The following AOAH variants were observed in gnomAD, a reference collection of about 807,000 sequenced individuals.
AOAH encodes acyloxyacyl hydrolase.
In AOAH, 64 loss-of-function variants were observed where a neutral mutation model predicts 92.2. That is an observed-to-expected ratio of 0.69 (90% CI 0.57 to 0.86). AOAH has a LOEUF of 0.86. Ranked by LOEUF, AOAH falls within the 40% of genes least tolerant of loss-of-function variation. AOAH has a pLI of 0.00. For synonymous variants in AOAH, 263 were observed against 254.5 expected (o/e 1.03, Z -0.32); for missense variants, 656 against 694.6 (o/e 0.94, Z 0.62).
intron 15 of AOAH, among the ~76,000 whole-genome samples, chr7:36,545,468 T>G (rs948661450): frequency 2.0e-5 from 3 of 152,170 alleles, no homozygotes; most frequent in Non-Finnish European, 4.4e-5. Context: ...CCAGGCTCAT[T>G]GGGGCCTGCA....
At chr7:36,616,560 A>T (rs950570372) in intron 10 of AOAH, 86 bp from the exon 11 acceptor site, 1 of 1,077,934 alleles carries the variant, frequency 9.3e-7, no homozygotes, top group African/African-American at 1.6e-5. Context: ...CGGATACCCT[A>T]GTGTGTATTC....
At chr7:36,609,059 T>C (rs1337334817) in intron 11 of AOAH, among the ~76,000 whole-genome samples, 1 of 152,216 alleles carries the variant, frequency 6.6e-6, no homozygotes, top group East Asian at 1.9e-4. Flanking sequence ...AGAGGAAGGA[T>C]GCTGGGGGAC....
intron 2 of AOAH, among the ~76,000 whole-genome samples, chr7:36,679,113 GATGT>G (rs1796481958): frequency 6.6e-6 from 1 of 152,030 alleles, no homozygotes; most frequent in South Asian, 2.1e-4. Context: ...GGTGTATACA[GATGT>G]ATGTGTAAAT....
intron 2 of AOAH, among the ~76,000 whole-genome samples, chr7:36,683,682 T>C (rs567645441): frequency 4.2e-4 from 64 of 151,992 alleles, no homozygotes; most frequent in African/African-American, 1.5e-3. Flanking sequence ...GATACAGATA[T>C]AATACAGAAG....
rs774966685 is a variant in AOAH at position 36,659,221 on chromosome 7, T to A, written c.335A>T (p.Glu112Val). 6.2e-7 allele frequency: 1 copy of A among 1,614,108 alleles called. No individual in the cohort carries two copies. The highest frequency in any genetic ancestry group is 1.1e-5 in the South Asian group (1 of 91,084). Residue 112 changes from glutamate to valine, a missense_variant, in exon 4 of 21, where the codon GAG becomes GTG. Glu to Val is a moderately radical substitution (Grantham distance 121). Transcript: ENST00000617537. The part of the protein sequence containing the change: ...MNADVVCHTL[E>V]FCKQNTGQPL... ...TTGGCCAGTGTTCTGTTTACAAAACTCCAGAGTGTGACATACCACATCAGC... is the reference window on the plus strand; with the variant it reads ...TTGGCCAGTGTTCTGTTTACAAAACACCAGAGTGTGACATACCACATCAGC...
At chr7:36,535,046 G>T (rs1384410430) in intron 16 of AOAH, among the ~76,000 whole-genome samples, 1 of 86,572 alleles carries the variant, frequency 1.2e-5, no homozygotes, top group Non-Finnish European at 2.3e-5. Flanking sequence ...CTGTGTGTGT[G>T]TATGTGTCTG....
At chr7:36,658,827 G>A (rs987721273) in intron 4 of AOAH, among the ~76,000 whole-genome samples, 8 of 152,084 alleles carry the variant, frequency 5.3e-5, no homozygotes, top group African/African-American at 1.9e-4. Context: ...TGGGCAAACT[G>A]GCATGAGTTG....
rs1490941605 is a variant in AOAH, at chr7:36,700,334, CCTTCA to C, written c.128-13545_128-13541del. On this transcript the variant is annotated intron_variant, in intron 1 of 20. Coordinates refer to ENST00000617537, the MANE Select transcript of AOAH (RefSeq NM_001637.4). Reference sequence around the variant, plus strand: ...TTCTCTTTCCTCACTCCTTTCCCTTCCTTCACTTCATCAGTCATAATTATTCCACA... The same window carrying C: ...TTCTCTTTCCTCACTCCTTTCCCTTCCTTCATCAGTCATAATTATTCCACA... Among the ~76,000 whole-genome samples, 13 of 152,128 alleles carry C rather than the reference CCTTCA, an allele frequency of 8.5e-5. No homozygotes were observed. The East Asian group carries it at 1.2e-3, about 14-fold the overall frequency.
chr7:36,530,304 G>A (rs1784616594), intron 19 of AOAH, 114 bp downstream of exon 19: 3 of 709,542 alleles, frequency 4.2e-6, no homozygotes, highest in Non-Finnish European at 7.5e-6. Context: ...ATAGGCAGGA[G>A]TAACCCTGCC....
At chr7:36,723,951 A>G (rs1380277607) in intron 1 of AOAH, 71 bp downstream of exon 1, 1 of 1,506,576 alleles carries the variant, frequency 6.6e-7, no homozygotes, top group African/African-American at 1.4e-5. Flanking sequence ...TATGTGATTT[A>G]TTACGCAAGC....
At position 36,560,565 on chromosome 7, in the gene AOAH, T is replaced by C. The variant is rs553690513; in HGVS notation, c.1022-11090A>G. ...TATAGATATATAGACATTTTACTGA[T>C]TTTTGTACATTGATTTTGTACCCTG... On this transcript the variant is annotated intron_variant, in intron 13 of 20. Coordinates refer to ENST00000617537, the MANE Select transcript of AOAH (RefSeq NM_001637.4). 2.0e-5 allele frequency among the ~76,000 whole-genome samples: 3 copies of C among 152,316 alleles called. No homozygotes were observed. The East Asian group carries it at 5.8e-4, about 29-fold the overall frequency.
chr7:36,637,829 G>A (rs772581105), intron 5 of AOAH, 22 bp downstream of exon 5: 18 of 1,611,606 alleles, frequency 1.1e-5, no homozygotes, highest in South Asian at 3.3e-5. Flanking sequence ...AAAGGCTGGC[G>A]TTCTACGTGC....
At chr7:36,697,885 G>A (rs1187579612) in intron 1 of AOAH, among the ~76,000 whole-genome samples, 1 of 152,142 alleles carries the variant, frequency 6.6e-6, no homozygotes, top group Non-Finnish European at 1.5e-5. Context: ...AAATGGCCAG[G>A]GGATGATGTG....
At chr7:36,647,649 T>C (rs1794303770) in intron 4 of AOAH, among the ~76,000 whole-genome samples, 1 of 152,218 alleles carries the variant, frequency 6.6e-6, no homozygotes, top group South Asian at 2.1e-4. Context: ...ATGAGTTTAA[T>C]AGCCCCCAAA....
chr7:36,679,444 T>C (rs1040409816), intron 2 of AOAH, among the ~76,000 whole-genome samples: 1 of 151,450 alleles, frequency 6.6e-6, no homozygotes, highest in African/African-American at 2.4e-5. Context: ...TCAGCTGAGA[T>C]TAAAATACTC....
At chr7:36,584,360 C>G (rs927317285) in intron 12 of AOAH, among the ~76,000 whole-genome samples, 1 of 152,140 alleles carries the variant, frequency 6.6e-6, no homozygotes. Flanking sequence ...CCTAAAATCT[C>G]AAGTTCAGTT....
At chr7:36,710,601 A>C (rs1039636297) in intron 1 of AOAH, among the ~76,000 whole-genome samples, 1 of 152,216 alleles carries the variant, frequency 6.6e-6, no homozygotes, top group Non-Finnish European at 1.5e-5. Context: ...GTGAGGTAAT[A>C]AATTTGTGTT....
At chr7:36,523,291 T>C (rs558467428) in intron 19 of AOAH, among the ~76,000 whole-genome samples, 8 of 152,234 alleles carry the variant, frequency 5.3e-5, no homozygotes, top group Non-Finnish European at 1.2e-4. Flanking sequence ...TAGCTATTGG[T>C]AAGTGGCCTC....
intron 12 of AOAH, among the ~76,000 whole-genome samples, chr7:36,585,360 T>C (rs2116718044): frequency 6.6e-6 from 1 of 152,210 alleles, no homozygotes; most frequent in Non-Finnish European, 1.5e-5. Context: ...AGATGAACAA[T>C]ATCCAGTATT....
Sources: allele counts gnomAD v4.1 joint callset (sites outside exome capture counted in the v4.1 genomes callset), GRCh38; gene constraint gnomAD v4.1.1; transcripts MANE v1.5; gene names NCBI Gene and HGNC (gene_info 2026-07-23, HGNC 2026-07-21).